Variants in PLXNA3 observed in about 807,000 individuals in gnomAD.
PLXNA3 encodes plexin A3, also known as plexin-A3.
Under a neutral mutation model 118.8 loss-of-function variants are expected in PLXNA3, and 52 were observed. The ratio of observed to expected loss-of-function variants is 0.44; its 90% CI spans 0.35 to 0.55. The LOEUF (loss-of-function observed/expected upper bound fraction) is 0.55. PLXNA3 is among the 20% of genes least tolerant of loss of function. The pLI is 0.01. For missense variants in PLXNA3, 1,660 were observed against 1,730.8 expected, an observed-to-expected ratio of 0.96 and a Z score of 0.73; for synonymous variants, 925 against 762.4, an observed-to-expected ratio of 1.21 and a Z score of -3.51.
In PLXNA3 at chrX:154,463,601, C is replaced by T. The variant is rs782541776; in HGVS notation, c.1458C>T (p.Leu486=). 6.1e-5 allele frequency: 73 copies of T among 1,199,525 alleles called. No individual in the cohort carries two copies. The highest frequency in any genetic ancestry group is 7.6e-5 in the Non-Finnish European group (68 of 890,990). ...GTGGCTGTCCCCAGGTGAGCCAGCTCCCGGTGGAGACCTGTGAGCAGTACC... is the reference window on the plus strand; with the variant it reads ...GTGGCTGTCCCCAGGTGAGCCAGCTTCCGGTGGAGACCTGTGAGCAGTACC... The part of the protein sequence containing the change: ...YLLSEKQVSQ[L]PVETCEQYQS... Residue 486 remains leucine (L), a synonymous_variant, in exon 6 of 33, where the codon CTC becomes CTT. Transcript: ENST00000369682.
Position 154,461,330 on chromosome X carries a change from GTGGAATTCCCCATCGGCTGCTCC to G in PLXNA3, c.830_852del (p.Glu277AlafsTer29). ...GGGAGACTCAGAGTTCTACTCATAC[GTGGAATTCCCCATCGGCTGCTCC>G]TGGCGCGGCGTGGAGTACCGCTTGG... is the stretch of plus-strand genomic sequence containing the variant. On this transcript the variant is annotated frameshift_variant, in exon 3 of 33. Transcript: ENST00000369682. LOFTEE classifies it high-confidence loss of function. The G allele has an allele frequency of 8.2e-7, 1 of 1,212,391 alleles. No homozygotes were observed. Among genetic ancestry groups the G allele is most frequent in the South Asian group, 1.8e-5 (1 of 57,087 alleles).
At position 154,461,491 on chromosome X, in the gene PLXNA3, C is replaced by G. The variant is rs2068960218; in HGVS notation, c.987C>G (p.Ala329=). Residue 329 remains alanine, a synonymous_variant, in exon 3 of 33, where the codon GCC becomes GCG. Coordinates refer to ENST00000369682, the MANE Select transcript of PLXNA3 (RefSeq NM_017514.5). ...TIFSQGQKNR[A]SPPRQTILCL... ...TCTCTCAGGGCCAGAAGAACCGGGC[C>G]AGCCCACCCCGGCAGACCATCCTCT... 3 of 1,212,040 alleles carry G rather than the reference C, an allele frequency of 2.5e-6. No individual in the cohort carries two copies. The highest frequency in any genetic ancestry group is 3.3e-6 in the Non-Finnish European group (3 of 895,568).
intron 10 of PLXNA3, 64 bp downstream of exon 10, chrX:154,464,932 T>C: frequency 2.8e-6 from 3 of 1,078,387 alleles, no homozygotes; most frequent in Non-Finnish European, 2.5e-6. Context: ...CCGGCTTCTA[T>C]GCGTTCTCGG....
chrX:154,468,773 C>CGGCCA, intron 24 of PLXNA3, 44 bp downstream of exon 24: 1 of 1,210,814 alleles, frequency 8.3e-7, no homozygotes, highest in Non-Finnish European at 1.1e-6. Flanking sequence ...GGCAGAGGAC[C>CGGCCA]GGCCAGTGGT....
chrX:154,470,236 A>T (rs782646925), intron 29 of PLXNA3, 69 bp downstream of exon 29: 4 of 1,085,849 alleles, frequency 3.7e-6, no homozygotes. Context: ...GGGAGGGGCC[A>T]TGGATCATTT....
rs2069245140 is a variant in PLXNA3, at chrX:154,477,657, T to A, written c.*4972T>A. The A allele has an allele frequency of 3.6e-6, 1 of 281,063 alleles. No individual in the cohort carries two copies. The highest frequency in any genetic ancestry group is 2.8e-5 in the African/African-American group (1 of 35,862). The allele number at this position is 281,063 out of a possible 1,213,427, so 23.2% of individuals were successfully genotyped here. A position where few individuals can be genotyped will look rare whatever the true frequency, so the allele number is the denominator to read the frequency against. On this transcript the variant is annotated 3_prime_UTR_variant, in exon 33 of 33. Coordinates refer to ENST00000369682, the MANE Select transcript of PLXNA3 (RefSeq NM_017514.5). ...TTTCATTTTCTTCCATTTCCTAAAT[T>A]GTCTTCAATTTCCTTGTACTCCTTG... is the stretch of plus-strand genomic sequence containing the variant.
In PLXNA3 at chrX:154,468,939, C is replaced by T. The variant is rs1557208433; in HGVS notation, c.4404C>T (p.Leu1468=). 1 of 1,211,870 alleles carries T rather than the reference C, an allele frequency of 8.3e-7. No homozygotes were observed. The highest frequency in any genetic ancestry group is 1.8e-5 in the South Asian group (1 of 57,021). ...EARYSLSEDK[L]IRQQIDYKTL... Reference sequence around the variant, plus strand: ...GATACTCCCTGAGCGAGGACAAGCTCATCCGTCAGCAGATCGACTACAAGA... The same window carrying T: ...GATACTCCCTGAGCGAGGACAAGCTTATCCGTCAGCAGATCGACTACAAGA... The change falls in exon 25 of 33, where the codon CTC becomes CTT. Residue 1468 remains leucine, a synonymous_variant. Transcript: ENST00000369682.
intron 28 of PLXNA3, 38 bp downstream of exon 28, chrX:154,469,822 G>A (rs782190476): frequency 2.6e-6 from 3 of 1,151,037 alleles, no homozygotes; most frequent in Non-Finnish European, 3.6e-6. Flanking sequence ...TGCCCTTCGA[G>A]GGAACCCCCA....
rs782814046 is a variant in PLXNA3, at chrX:154,460,085, C to T, written c.-27-72C>T. 1.5e-3 allele frequency: 848 copies of T among 567,098 alleles called. 1 individual carries two copies. The highest frequency in any genetic ancestry group is 3.8e-3 in the Middle Eastern group (7 of 1,842). The allele number at this position is 567,098 out of a possible 1,213,427, so 46.7% of individuals were successfully genotyped here. On this transcript the variant is annotated intron_variant, in intron 1 of 32. Transcript: ENST00000369682. ...TCACGGTGGCCATCTGGGGCTTTGG[C>T]GGGGTGGTGGGTGAATGGCCCAGCC...
At position 154,467,756 on chromosome X, in the gene PLXNA3, T is replaced by C. The variant is rs1557207807; in HGVS notation, c.3586-11T>C. ...CGTGGTGGTCAGCTCACCTCAGGCC[T>C]GTCCCCACAGGTGCTGGTGGGTGGC... On this transcript the variant is annotated splice_polypyrimidine_tract_variant and intron_variant, in intron 20 of 32. Transcript: ENST00000369682. The C allele has an allele frequency of 3.3e-6, 4 of 1,198,058 alleles. No homozygotes were observed. Among genetic ancestry groups the C allele is most frequent in the Non-Finnish European group, 4.5e-6 (4 of 891,138 alleles).
rs958950730 is a variant in PLXNA3 at position 154,460,618 on chromosome X, C to T, written c.435C>T (p.Ala145=). ...GCAAGGAGCACTACCTGTCGGGGGCCCAGGAGCCCGACTCCATGGCTGGTG... is the reference window on the plus strand; with the variant it reads ...GCAAGGAGCACTACCTGTCGGGGGCTCAGGAGCCCGACTCCATGGCTGGTG... The part of the protein sequence containing the change: ...HHRKEHYLSG[A]QEPDSMAGVI... Residue 145 remains alanine (A), a synonymous_variant, in exon 2 of 33, where the codon GCC becomes GCT. Coordinates refer to ENST00000369682, the MANE Select transcript of PLXNA3 (RefSeq NM_017514.5). 2 of 1,190,684 alleles carry T rather than the reference C, an allele frequency of 1.7e-6. No homozygotes were observed. The highest frequency in any genetic ancestry group is 3.0e-5 in the East Asian group (1 of 33,603).
rs993224058 is a variant in PLXNA3 at position 154,477,704 on chromosome X, C to T, written c.*5019C>T. 5 of 308,564 alleles carry T rather than the reference C, an allele frequency of 1.6e-5. No homozygotes were observed. The highest frequency in any genetic ancestry group is 2.8e-5 in the Non-Finnish European group (5 of 177,782). 25.4% of individuals were successfully genotyped at this position (308,564 alleles called of 1,213,427 possible). A position where few individuals can be genotyped will look rare whatever the true frequency, so the allele number is the denominator to read the frequency against. On this transcript the variant is annotated 3_prime_UTR_variant, in exon 33 of 33. Transcript: ENST00000369682. ...CTTGAATATCTGAATTCTAGAACCC[C>T]CCCCCCAGCAACCCAAGCACAACAA...
Position 154,465,472 on chromosome X carries a change from G to A in PLXNA3, c.2293G>A (p.Val765Met), listed in dbSNP as rs2069064975. 6.6e-6 allele frequency: 8 copies of A among 1,209,795 alleles called. No individual in the cohort carries two copies. Among genetic ancestry groups the A allele is most frequent in the Non-Finnish European group, 7.8e-6 (7 of 893,679 alleles). ...EHGDTELDFS[V>M]VWDGDFPIDK... is the part of the protein sequence containing the mutation. ...TGGTGACACCGAGCTGGACTTTTCC[G>A]TGGTCTGGGATGGAGACTTCCCCAT... The change falls in exon 12 of 33, where the codon GTG becomes ATG. Residue 765 changes from valine (V) to methionine (M), a missense_variant. By Grantham distance (21) the Val-to-Met change is conservative. Transcript: ENST00000369682.
chrX:154,475,613 T>C lies in PLXNA3; in HGVS notation c.*2928T>C, dbSNP rs1051967223. ...CCAACTGCACAAATAAGGAGTAAAA[T>C]AATAAAGAGAAGGACGTGTGAGGCA... On this transcript the variant is annotated 3_prime_UTR_variant, in exon 33 of 33. Transcript: ENST00000369682. 2.7e-5 allele frequency: 3 copies of C among 111,292 alleles called. No homozygotes were observed. Among genetic ancestry groups the C allele is most frequent in the African/African-American group, 9.8e-5 (3 of 30,538 alleles). The allele number at this position is 111,292 out of a possible 1,213,427, so 9.2% of individuals were successfully genotyped here.
At chrX:154,470,782 A>C (rs2069173041) in intron 30 of PLXNA3, 171 bp downstream of exon 30, 1 of 489,942 alleles carries the variant, frequency 2.0e-6, no homozygotes, top group African/African-American at 2.4e-5. Flanking sequence ...TGTTGCGTCC[A>C]GTTCTGGAGC....
At position 154,468,462 on chromosome X, in the gene PLXNA3, C is replaced by T; in HGVS notation, c.4123C>T (p.Arg1375Trp). The change falls in exon 23 of 33, where the codon CGG becomes TGG. Residue 1375 changes from arginine to tryptophan, a missense_variant. Physicochemically the swap from Arg to Trp is moderately radical, Grantham distance 101. This residue lies in a region of PLXNA3 where 869 missense variants were observed against 1,078.7 expected (regional missense o/e 0.81). Transcript: ENST00000369682. ...GCTCACCATGGTGGCCCTGCAGAGC[C>T]GGCTCGACTATGCCACGGGGCTGCT... ...ASLTMVALQS[R>W]LDYATGLLKQ... 2 of 1,211,369 alleles carry T rather than the reference C, an allele frequency of 1.7e-6. No individual in the cohort carries two copies. Among genetic ancestry groups the T allele is most frequent in the Non-Finnish European group, 1.1e-6 (1 of 895,514 alleles).
Position 154,463,445 on chromosome X carries a change from GAT to G in PLXNA3, c.1373_1374del (p.Asp458GlyfsTer22). ...AHLYETVPVV[D>X]GSPILRDLLF... The stretch of plus-strand genomic sequence containing the variant: ...CCTGTATGAGACAGTCCCCGTGGTG[GAT>G]GGCAGCCCCATCCTCCGAGACCTGC... On this transcript the variant is annotated frameshift_variant, in exon 5 of 33. Coordinates refer to ENST00000369682, the MANE Select transcript of PLXNA3 (RefSeq NM_017514.5). LOFTEE classifies it high-confidence loss of function. 8.3e-7 allele frequency: 1 copy of G among 1,209,121 alleles called. No individual in the cohort carries two copies. Among genetic ancestry groups the G allele is most frequent in the Non-Finnish European group, 1.1e-6 (1 of 894,357 alleles).
In PLXNA3 at chrX:154,468,210, C is replaced by T. The variant is rs781962352; in HGVS notation, c.3949C>T (p.Leu1317Phe). The T allele has an allele frequency of 4.2e-6, 5 of 1,180,251 alleles. No homozygotes were observed. In the Admixed American group the frequency reaches 1.1e-4, roughly 27 times the overall value. Residue 1317 changes from leucine to phenylalanine, a missense_variant, in exon 22 of 33, where the codon CTC becomes TTC. By Grantham distance (22) the Leu-to-Phe change is conservative. Coordinates refer to ENST00000369682, the MANE Select transcript of PLXNA3 (RefSeq NM_017514.5). ...CCCGGGCATCGAGGCCCACCCGGTG[C>T]TCAAGGAGCTGGATGTGAGCCTCTG... ...LFPGIEAHPV[L>F]KELDTPPNVE...
At position 154,468,340 on chromosome X, in the gene PLXNA3, G is replaced by A. The variant is rs79671454; in HGVS notation, c.4001G>A (p.Gly1334Glu). The A allele has an allele frequency of 1.6e-3, 1,958 of 1,207,204 alleles. 18 individuals are homozygous for A. In the African/African-American group the frequency reaches 0.031, roughly 19 times the overall value. Residue 1334 changes from glycine to glutamate, a missense_variant, in exon 23 of 33, where the codon GGG (glycine) becomes GAG (glutamate). Around this residue, in one of 2 missense-constraint regions of PLXNA3, gnomAD observed 869 missense variants for 1,078.7 expected, o/e 0.81. Transcript: ENST00000369682. ...GTGGAGAAGGCCCTGCGCCTCTTCG[G>A]GCAGCTGCTGCACAGCCGCGCGTTC... ...PNVEKALRLF[G>E]QLLHSRAFVL...
Sources: gnomAD v4.1 joint callset for allele counts on GRCh38, gnomAD v4.1.1 for gene constraint, gnomAD v4.1.1 regional missense constraint, MANE v1.5 for transcripts, NCBI Gene and HGNC (gene_info 2026-07-23, HGNC 2026-07-21) for gene names.